Variants in SFMBT2 observed in about 807,000 individuals in gnomAD.
The protein encoded by SFMBT2 is scm-like with four MBT domains protein 2.
SFMBT2 carries 38 observed loss-of-function variants against 110.1 expected under a neutral mutation model. The ratio of observed to expected loss-of-function variants is 0.35; its 90% CI spans 0.27 to 0.45. The LOEUF is 0.45. Ranked by LOEUF, SFMBT2 falls within the 20% of genes least tolerant of loss-of-function variation. SFMBT2 has a pLI of 1.00. For synonymous variants in SFMBT2, 425 were observed against 425.4 expected (o/e 1.00, Z 0.01); for missense variants, 1,011 against 1,094.9 (o/e 0.92, Z 1.08).
At chr10:7,206,049 C>T (rs201854587) in intron 11 of SFMBT2, 121 bp from the exon 12 acceptor site, 4 of 971,824 alleles carry the variant, frequency 4.1e-6, no homozygotes, top group Non-Finnish European at 5.5e-6. Context: ...CATTAAAAAA[C>T]AAAAACAAAA....
At chr10:7,230,458 G>A (rs1267472434) in intron 9 of SFMBT2, among the ~76,000 whole-genome samples, 2 of 152,190 alleles carry the variant, frequency 1.3e-5, no homozygotes, top group Admixed American at 1.3e-4. Context: ...TCATATTACT[G>A]TAGAAGAATT....
chr10:7,276,358 T>C (rs985061210), intron 7 of SFMBT2, among the ~76,000 whole-genome samples: 7 of 152,204 alleles, frequency 4.6e-5, no homozygotes, highest in Non-Finnish European at 8.8e-5. Flanking sequence ...CATAACAATA[T>C]GCTACAAAGA....
At position 7,172,650 on chromosome 10, in the gene SFMBT2, C is replaced by T. The variant is rs747896417; in HGVS notation, c.1996G>A (p.Gly666Arg). 33 of 1,613,780 alleles carry T rather than the reference C, an allele frequency of 2.0e-5. No homozygotes were observed. The South Asian group carries it at 2.1e-4, about 10-fold the overall frequency. The change falls in exon 18 of 21, where the codon GGA becomes AGA. Residue 666 changes from glycine (G) to arginine (R), a missense_variant. This residue lies in a region of SFMBT2 where 979 missense variants were observed against 1,016.1 expected (regional missense o/e 0.96). Transcript: ENST00000397167. The surrounding 1 kb of genome is among the most constrained non-coding windows in gnomAD (Gnocchi z 4.6). Reference protein sequence around the residue: ...HTKTKYTYYYGKRKKISKPPI... With the variant: ...HTKTKYTYYYRKRKKISKPPI... The stretch of plus-strand genomic sequence containing the variant: ...GGCTTGGAGATCTTCTTTCTCTTTC[C>T]ATAGTAATAGGCTGTAGGAAGGAAG...
At chr10:7,279,424 G>A (rs1331508396) in intron 6 of SFMBT2, among the ~76,000 whole-genome samples, 4 of 152,176 alleles carry the variant, frequency 2.6e-5, no homozygotes, top group Non-Finnish European at 5.9e-5. Context: ...CCCACAGCAA[G>A]GCAGACTTCT....
intron 2 of SFMBT2, among the ~76,000 whole-genome samples, chr10:7,376,396 C>T (rs1164404468): frequency 6.6e-6 from 1 of 152,022 alleles, no homozygotes; most frequent in Non-Finnish European, 1.5e-5. Flanking sequence ...GGTTATTGAT[C>T]TCAACTGTGA....
chr10:7,201,962 ACCCC>A (rs1463489432), intron 13 of SFMBT2, among the ~76,000 whole-genome samples: 1 of 152,174 alleles, frequency 6.6e-6, no homozygotes, highest in Admixed American at 6.5e-5. Context: ...CTTTGTAAGT[ACCCC>A]CAAATTGTAT....
intron 12 of SFMBT2, chr10:7,204,390 G>A: frequency 1.0e-5 from 10 of 985,352 alleles, no homozygotes; most frequent in Non-Finnish European, 1.2e-5. Context: ...AAGTAAAGTT[G>A]GTGCCTAAAT....
intron 17 of SFMBT2, among the ~76,000 whole-genome samples, chr10:7,173,771 C>A (rs1364848069): frequency 2.0e-5 from 3 of 152,168 alleles, no homozygotes; most frequent in Non-Finnish European, 4.4e-5. Flanking sequence ...CTGAATGCAG[C>A]CAAGGAACCT....
intron 2 of SFMBT2, among the ~76,000 whole-genome samples, chr10:7,379,042 A>G (rs1353836252): frequency 6.6e-6 from 1 of 152,124 alleles, no homozygotes; most frequent in Admixed American, 6.5e-5. Flanking sequence ...CAGCTATGCC[A>G]GTGGGCTGTT....
At chr10:7,174,583 T>C (rs1837991140) in intron 17 of SFMBT2, among the ~76,000 whole-genome samples, 1 of 152,208 alleles carries the variant, frequency 6.6e-6, no homozygotes, top group Non-Finnish European at 1.5e-5. Flanking sequence ...TCCGGAGACA[T>C]CTCTGAGTTC....
At position 7,339,226 on chromosome 10, in the gene SFMBT2, C is replaced by T. The variant is rs138685791; in HGVS notation, c.436+28423G>A. 6.4e-3 allele frequency among the ~76,000 whole-genome samples: 975 copies of T among 151,794 alleles called. 16 individuals are homozygous for T. The highest frequency in any genetic ancestry group is 0.022 in the African/African-American group (908 of 41,352). On this transcript the variant is annotated intron_variant, in intron 4 of 20. Coordinates refer to ENST00000397167, the MANE Select transcript of SFMBT2 (RefSeq NM_001387889.1). The stretch of plus-strand genomic sequence containing the variant: ...CTGCACTCCAGCTTAGGCAACAAAG[C>T]GAGACTCCATCTCGATGAATAAATA...
At chr10:7,206,865 C>T (rs17423723) in intron 11 of SFMBT2, 23,257 of 984,524 alleles carry the variant, frequency 0.024, 298 homozygotes, top group Admixed American at 0.036. Context: ...CATTAATAGA[C>T]GGTGACCCAT....
At chr10:7,402,000 T>C (rs113039618) in intron 1 of SFMBT2, among the ~76,000 whole-genome samples, 70 of 152,220 alleles carry the variant, frequency 4.6e-4, no homozygotes, top group African/African-American at 1.7e-3. Context: ...ATTGGTACCA[T>C]TTATATCCAG....
chr10:7,385,893 A>G lies in SFMBT2; in HGVS notation c.-51-3944T>C, dbSNP rs185911340. 3.4e-3 allele frequency among the ~76,000 whole-genome samples: 520 copies of G among 152,248 alleles called. 1 individual carries two copies. Among genetic ancestry groups the G allele is most frequent in the Admixed American group, 0.016 (247 of 15,294 alleles). ...TGGGCACCTGTAGTCCCAGCTACTC[A>G]GGAGACTGAGGCAGGAGAATGGCGT... On this transcript the variant is annotated intron_variant, in intron 1 of 20. Transcript: ENST00000397167.
intron 11 of SFMBT2, chr10:7,214,629 G>A (rs11598585): frequency 0.023 from 22,969 of 985,454 alleles, 317 homozygotes; most frequent in Non-Finnish European, 0.025. Flanking sequence ...CACACGTAGC[G>A]GACCTGCCTT....
At chr10:7,252,047 G>C (rs1454018750) in intron 7 of SFMBT2, among the ~76,000 whole-genome samples, 3 of 152,216 alleles carry the variant, frequency 2.0e-5, no homozygotes, top group Admixed American at 2.0e-4. Flanking sequence ...TGCTCTCTGA[G>C]TAGAGTCAGC....
chr10:7,377,025 T>C (rs1250951089), intron 2 of SFMBT2, among the ~76,000 whole-genome samples: 2 of 150,502 alleles, frequency 1.3e-5, no homozygotes, highest in Non-Finnish European at 3.0e-5. Flanking sequence ...AAAAATTAGC[T>C]GGGCATGGTG....
At chr10:7,387,684 A>G (rs1270037070) in intron 1 of SFMBT2, among the ~76,000 whole-genome samples, 1 of 151,674 alleles carries the variant, frequency 6.6e-6, no homozygotes, top group Admixed American at 6.6e-5. Context: ...TAATCCCAGC[A>G]CTTTGGGAGG....
At chr10:7,212,068 T>C (rs1478440201) in intron 11 of SFMBT2, among the ~76,000 whole-genome samples, 1 of 152,130 alleles carries the variant, frequency 6.6e-6, no homozygotes, top group East Asian at 1.9e-4. Flanking sequence ...ACTTTGCAAA[T>C]GCAGATTCCC....
Sources: gnomAD v4.1 joint callset for allele counts (sites outside exome capture counted in the v4.1 genomes callset) on GRCh38, gnomAD v4.1.1 for gene constraint, gnomAD v4.1.1 regional missense constraint, Gnocchi (gnomAD v3.1) non-coding constraint, MANE v1.5 for transcripts, NCBI Gene and HGNC (gene_info 2026-07-23, HGNC 2026-07-21) for gene names.